Variants in YPEL2 observed in about 807,000 individuals in gnomAD.
YPEL2 encodes protein yippee-like 2.
Under a neutral mutation model 19.1 loss-of-function variants are expected in YPEL2, and 2 were observed. The ratio of observed to expected loss-of-function variants is 0.10; its 90% CI spans 0.04 to 0.33. The LOEUF is 0.33. YPEL2 is among the 10% of genes least tolerant of loss of function. The probability of loss-of-function intolerance (pLI) is 1.00; values close to 1 mark genes in which losing one functional copy is unlikely to be tolerated. For synonymous variants in YPEL2, 52 were observed against 50.0 expected, an observed-to-expected ratio of 1.04 and a Z score of -0.17; for missense variants, 66 against 140.7, an observed-to-expected ratio of 0.47 and a Z score of 2.68.
intron 1 of YPEL2, among the ~76,000 whole-genome samples, chr17:59,343,137 C>T (rs1044427939): frequency 6.6e-6 from 1 of 152,176 alleles, no homozygotes; most frequent in Non-Finnish European, 1.5e-5. Context: ...CAAGAGTTTA[C>T]TGGCTTTTTA....
At chr17:59,393,221 G>A (rs1199221297) in intron 4 of YPEL2, among the ~76,000 whole-genome samples, 2 of 151,958 alleles carry the variant, frequency 1.3e-5, no homozygotes, top group Non-Finnish European at 2.9e-5. Context: ...TCAACCTCCT[G>A]GACCCAGATG....
chr17:59,399,909 T>C lies in YPEL2; in HGVS notation c.*2719T>C, dbSNP rs2147964274. On this transcript the variant is annotated 3_prime_UTR_variant, in exon 5 of 5. Coordinates refer to ENST00000312655, the MANE Select transcript of YPEL2 (RefSeq NM_001005404.4). ...TTGTTGGTGAAGTTTGGGGGCGGGG[T>C]GTTGGGAGTAGAGACAGGGTAAGGG... 1 of 152,254 alleles carries C rather than the reference T, an allele frequency of 6.6e-6. No individual in the cohort carries two copies. Among genetic ancestry groups the C allele is most frequent in the South Asian group, 2.1e-4 (1 of 4,792 alleles). The allele number at this position is 152,254 out of a possible 1,614,324, so 9.4% of individuals were successfully genotyped here. A position where few individuals can be genotyped will look rare whatever the true frequency, so the allele number is the denominator to read the frequency against.
At chr17:59,342,665 G>A (rs2047737543) in intron 1 of YPEL2, among the ~76,000 whole-genome samples, 1 of 152,210 alleles carries the variant, frequency 6.6e-6, no homozygotes, top group Non-Finnish European at 1.5e-5. Flanking sequence ...AATACAAAAG[G>A]AAGGACTGGT....
chr17:59,349,502 A>G (rs533448412), intron 1 of YPEL2, among the ~76,000 whole-genome samples: 31 of 151,268 alleles, frequency 2.0e-4, no homozygotes, highest in South Asian at 6.3e-4. Context: ...GTGCGCTACC[A>G]TGCCTGGCTA....
chr17:59,342,074 C>G (rs1225567359), intron 1 of YPEL2, among the ~76,000 whole-genome samples: 1 of 152,172 alleles, frequency 6.6e-6, no homozygotes, highest in Non-Finnish European at 1.5e-5. Flanking sequence ...GCGGGGAGCC[C>G]AGCCACAGAT....
intron 1 of YPEL2, among the ~76,000 whole-genome samples, chr17:59,346,457 G>T (rs545087140): frequency 6.6e-6 from 1 of 152,308 alleles, no homozygotes; most frequent in Admixed American, 6.5e-5. Context: ...AGTGGAGGTG[G>T]TGAGGAGAGA....
Position 59,353,394 on chromosome 17 carries a change from A to G in YPEL2, c.-16A>G. ...CGTGGGCTGCCCCAGAGTTCACCCC[A>G]CACTCAGCAGCACCAATGGTGAAGA... is the stretch of plus-strand genomic sequence containing the variant. On this transcript the variant is annotated 5_prime_UTR_variant, in exon 2 of 5. Transcript: ENST00000312655. This position sits in a 1 kb window ranked among gnomAD's most constrained non-coding sequence, Gnocchi z 4.8. 2.6e-6 allele frequency: 4 copies of G among 1,559,982 alleles called. No homozygotes were observed. The South Asian group carries it at 3.7e-5, about 14-fold the overall frequency.
chr17:59,335,537 C>G (rs565151296), intron 1 of YPEL2, among the ~76,000 whole-genome samples: 1 of 152,080 alleles, frequency 6.6e-6, no homozygotes, highest in South Asian at 2.1e-4. Context: ...TAACTCTTTC[C>G]AGGATTCTTT....
At chr17:59,346,213 G>A (rs2047755488) in intron 1 of YPEL2, among the ~76,000 whole-genome samples, 1 of 152,144 alleles carries the variant, frequency 6.6e-6, no homozygotes, top group Admixed American at 6.5e-5. Context: ...CTCCAGCCAG[G>A]GCTGCTTTCA....
At chr17:59,380,995 C>G (rs2147953046) in intron 2 of YPEL2, among the ~76,000 whole-genome samples, 1 of 152,356 alleles carries the variant, frequency 6.6e-6, no homozygotes, top group East Asian at 1.9e-4. Flanking sequence ...ACCTCTTCAT[C>G]TCTCTCCTCC....
chr17:59,352,984 A>T (rs1373699495), intron 1 of YPEL2, among the ~76,000 whole-genome samples: 1 of 152,080 alleles, frequency 6.6e-6, no homozygotes, highest in Non-Finnish European at 1.5e-5. Context: ...TGTCTAATGA[A>T]ACTGCTGGGA....
At chr17:59,333,924 A>G (rs2047685078) in intron 1 of YPEL2, among the ~76,000 whole-genome samples, 1 of 152,180 alleles carries the variant, frequency 6.6e-6, no homozygotes, top group South Asian at 2.1e-4. Context: ...GAAAGGTATT[A>G]ACTTGGCTCT....
chr17:59,358,602 T>G (rs2147942518), intron 2 of YPEL2, among the ~76,000 whole-genome samples: 1 of 150,950 alleles, frequency 6.6e-6, no homozygotes, highest in African/African-American at 2.4e-5. Context: ...TTTTTTTTGG[T>G]TGTTGTTTGT....
chr17:59,379,489 A>G (rs566044010), intron 2 of YPEL2, among the ~76,000 whole-genome samples: 23 of 152,280 alleles, frequency 1.5e-4, no homozygotes, highest in Admixed American at 2.6e-4. Context: ...ATCTCTACCT[A>G]CACACTTCTG....
intron 2 of YPEL2, among the ~76,000 whole-genome samples, chr17:59,357,191 G>A (rs188952559): frequency 6.6e-6 from 1 of 152,224 alleles, no homozygotes; most frequent in African/African-American, 2.4e-5. Context: ...GCTTCTCTTG[G>A]CCTTACTGTC....
rs1303545165 is a variant in YPEL2, at chr17:59,398,777, GA to G, written c.*1591del. ...TCCTCCAAGTAGGCCGACCTTCTCG[GA>G]AAATTCACCCTAAAAGTCTCACAAA... On this transcript the variant is annotated 3_prime_UTR_variant, in exon 5 of 5. Transcript: ENST00000312655. 1.3e-5 allele frequency: 2 copies of G among 152,146 alleles called. No individual in the cohort carries two copies. Among genetic ancestry groups the G allele is most frequent in the Non-Finnish European group, 2.9e-5 (2 of 68,042 alleles). 9.4% of individuals were successfully genotyped at this position (152,146 alleles called of 1,614,324 possible).
chr17:59,346,364 A>G (rs2047756439), intron 1 of YPEL2, among the ~76,000 whole-genome samples: 1 of 152,230 alleles, frequency 6.6e-6, no homozygotes, highest in Middle Eastern at 3.2e-3. Flanking sequence ...AGCAGTGTAA[A>G]GAATAGGCAT....
At chr17:59,394,916 G>A (rs1337678602) in intron 4 of YPEL2, among the ~76,000 whole-genome samples, 3 of 152,192 alleles carry the variant, frequency 2.0e-5, no homozygotes, top group South Asian at 2.1e-4. Flanking sequence ...GCGAAACCCC[G>A]TCTCCACCAA....
At chr17:59,345,704 C>T (rs962439511) in intron 1 of YPEL2, among the ~76,000 whole-genome samples, 9 of 152,256 alleles carry the variant, frequency 5.9e-5, no homozygotes, top group East Asian at 1.9e-4. Flanking sequence ...GGGACGGGAA[C>T]GCCATTCCTT....
Sources: allele counts gnomAD v4.1 joint callset (sites outside exome capture counted in the v4.1 genomes callset), GRCh38; gene constraint gnomAD v4.1.1; non-coding constraint Gnocchi (gnomAD v3.1); transcripts MANE v1.5; gene names NCBI Gene and HGNC (gene_info 2026-07-23, HGNC 2026-07-21).